Variants in PRKCE observed in about 807,000 individuals in gnomAD.
The protein encoded by PRKCE is protein kinase C epsilon.
In PRKCE, 16 loss-of-function variants were observed where a neutral mutation model predicts 85.4. The observed-to-expected ratio is 0.19, with a 90% CI of 0.13 to 0.28. PRKCE has a LOEUF of 0.28. Ranked by LOEUF, PRKCE falls within the 10% of genes least tolerant of loss-of-function variation. The probability of loss-of-function intolerance (pLI) is 1.00; values close to 1 mark genes in which losing one functional copy is unlikely to be tolerated. For synonymous variants in PRKCE, 388 were observed against 371.5 expected, an observed-to-expected ratio of 1.04 and a Z score of -0.51; for missense variants, 573 against 975.2, an observed-to-expected ratio of 0.59 and a Z score of 5.49.
chr2:45,693,079 A>T (rs924117143), intron 1 of PRKCE, among the ~76,000 whole-genome samples: 1 of 152,004 alleles, frequency 6.6e-6, no homozygotes, highest in Non-Finnish European at 1.5e-5. Context: ...TGGTGGTGGG[A>T]TGAGAAGTCA....
rs899726152 is a variant in PRKCE at position 46,147,087 on chromosome 2, G to A, written c.1731+1856G>A. ...ACAGGGGAGGCCTGAGGAACATCTC[G>A]AAGTGAAGGTGATGAGTAATAGGTA... On this transcript the variant is annotated intron_variant, in intron 12 of 14. Coordinates refer to ENST00000306156, the MANE Select transcript of PRKCE (RefSeq NM_005400.3). Among the ~76,000 whole-genome samples, 7 of 152,168 alleles carry A rather than the reference G, an allele frequency of 4.6e-5. No homozygotes were observed. In the East Asian group the frequency reaches 9.6e-4, roughly 21 times the overall value.
chr2:46,150,992 T>G, intron 12 of PRKCE, 49 bp from the exon 13 acceptor site: 7 of 1,541,310 alleles, frequency 4.5e-6, no homozygotes, highest in Non-Finnish European at 6.1e-6. Context: ...CGGGTGTCAC[T>G]GGGGTGGGAG....
rs1553397822 is a variant in PRKCE at position 45,744,549 on chromosome 2, T to TCTTTCTTC, written c.348+92104_348+92105insTCTTCCTT. 1.1e-4 allele frequency among the ~76,000 whole-genome samples: 9 copies of TCTTTCTTC among 84,058 alleles called. 1 individual carries two copies. Among genetic ancestry groups the TCTTTCTTC allele is most frequent in the Non-Finnish European group, 1.9e-4 (8 of 41,108 alleles). 55.1% of individuals were successfully genotyped at this position (84,058 alleles called of 152,430 possible). A position where few individuals can be genotyped will look rare whatever the true frequency, so the allele number is the denominator to read the frequency against. ...CTTTTTCTTTCCTTCTTTCTTTCTT[T>TCTTTCTTC]CTTCCTTCCTTCCTTCCTTCCTTCC... On this transcript the variant is annotated intron_variant, in intron 1 of 14. Coordinates refer to ENST00000306156, the MANE Select transcript of PRKCE (RefSeq NM_005400.3).
At chr2:45,814,666 G>A (rs1262339302) in intron 1 of PRKCE, among the ~76,000 whole-genome samples, 3 of 152,178 alleles carry the variant, frequency 2.0e-5, no homozygotes, top group Non-Finnish European at 4.4e-5. Flanking sequence ...GCTATTCGGG[G>A]GTGTGAGCCA....
intron 1 of PRKCE, among the ~76,000 whole-genome samples, chr2:45,668,213 C>T (rs557043178): frequency 4.6e-5 from 7 of 152,118 alleles, no homozygotes; most frequent in East Asian, 1.9e-4. Flanking sequence ...TGGTGGTGAG[C>T]GCCTGTACTC....
At chr2:45,717,340 G>C (rs754759999) in intron 1 of PRKCE, among the ~76,000 whole-genome samples, 2 of 152,198 alleles carry the variant, frequency 1.3e-5, no homozygotes, top group Non-Finnish European at 2.9e-5. Flanking sequence ...TGTTCTCTCT[G>C]TCTGTCTTCT....
At chr2:45,869,060 A>C (rs1392026180) in intron 2 of PRKCE, among the ~76,000 whole-genome samples, 1 of 152,156 alleles carries the variant, frequency 6.6e-6, no homozygotes, top group Admixed American at 6.5e-5. Flanking sequence ...CAAAGAAAAA[A>C]AGTTCATTTG....
chr2:46,086,661 T>C (rs1669668108), intron 11 of PRKCE, among the ~76,000 whole-genome samples: 1 of 152,150 alleles, frequency 6.6e-6, no homozygotes, highest in South Asian at 2.1e-4. Context: ...TTTTTCTCTC[T>C]CTCCTCCACC....
intron 1 of PRKCE, among the ~76,000 whole-genome samples, chr2:45,669,001 C>T (rs116458308): frequency 6.6e-6 from 1 of 152,166 alleles, no homozygotes; most frequent in African/African-American, 2.4e-5. Flanking sequence ...GGTTTCTTAG[C>T]CAAATAGTCT....
chr2:45,870,296 G>C (rs900649751), intron 2 of PRKCE, among the ~76,000 whole-genome samples: 2 of 152,290 alleles, frequency 1.3e-5, no homozygotes, highest in South Asian at 4.1e-4. Context: ...TGGGGTAAGG[G>C]GATCCTAGGA....
At chr2:45,780,184 T>G (rs1162276707) in intron 1 of PRKCE, among the ~76,000 whole-genome samples, 1 of 152,272 alleles carries the variant, frequency 6.6e-6, no homozygotes, top group Non-Finnish European at 1.5e-5. Context: ...TCATAAACTT[T>G]GAACAGCTGA....
chr2:45,933,718 C>T (rs1012584712), intron 2 of PRKCE, among the ~76,000 whole-genome samples: 1 of 151,940 alleles, frequency 6.6e-6, no homozygotes, highest in African/African-American at 2.4e-5. Flanking sequence ...CCTCGTGATC[C>T]GCCCGCCTCG....
intron 2 of PRKCE, among the ~76,000 whole-genome samples, chr2:45,902,217 C>G (rs1696632147): frequency 6.6e-6 from 1 of 152,180 alleles, no homozygotes; most frequent in Non-Finnish European, 1.5e-5. Flanking sequence ...TCTCTCATCT[C>G]TCGTAGTGCA....
chr2:45,996,893 G>C (rs1427492420), intron 6 of PRKCE, among the ~76,000 whole-genome samples: 1 of 152,122 alleles, frequency 6.6e-6, no homozygotes, highest in Non-Finnish European at 1.5e-5. Context: ...AGATATTATA[G>C]AGAATTGATA....
chr2:45,854,974 A>G (rs1001369582), intron 2 of PRKCE, among the ~76,000 whole-genome samples: 6 of 152,230 alleles, frequency 3.9e-5, no homozygotes, highest in Non-Finnish European at 7.3e-5. Flanking sequence ...AGTTAAATAT[A>G]CTCAAACAGT....
chr2:45,812,189 G>T (rs1688702277), intron 1 of PRKCE, among the ~76,000 whole-genome samples: 1 of 152,190 alleles, frequency 6.6e-6, no homozygotes, highest in African/African-American at 2.4e-5. Context: ...TTACCTAACA[G>T]GATCATTTTC....
chr2:46,117,340 C>T (rs968523189), intron 11 of PRKCE, among the ~76,000 whole-genome samples: 3 of 152,168 alleles, frequency 2.0e-5, no homozygotes, highest in African/African-American at 7.2e-5. Context: ...TACATAGTCT[C>T]TTTTGTGGCT....
At chr2:45,958,474 A>C (rs1296846711) in intron 2 of PRKCE, among the ~76,000 whole-genome samples, 1 of 148,466 alleles carries the variant, frequency 6.7e-6, no homozygotes, top group African/African-American at 2.5e-5. Flanking sequence ...GCACCACTGC[A>C]CTCCAGCCTG....
intron 1 of PRKCE, among the ~76,000 whole-genome samples, chr2:45,728,298 T>G (rs1241994029): frequency 6.6e-6 from 1 of 152,124 alleles, no homozygotes; most frequent in Non-Finnish European, 1.5e-5. Context: ...AAGTGAAATT[T>G]TTTATTTTTA....
Sources: gnomAD v4.1 joint callset for allele counts (sites outside exome capture counted in the v4.1 genomes callset) on GRCh38, gnomAD v4.1.1 for gene constraint, MANE v1.5 for transcripts, NCBI Gene and HGNC (gene_info 2026-07-23, HGNC 2026-07-21) for gene names.